The following GDI2 variants were observed in gnomAD, a reference collection of about 807,000 sequenced individuals.
The protein encoded by GDI2 is GDP dissociation inhibitor 2, also known as rab GDP dissociation inhibitor beta.
Under a neutral mutation model 54.2 loss-of-function variants are expected in GDI2, and 22 were observed. The ratio of observed to expected loss-of-function variants is 0.41; its 90% CI spans 0.29 to 0.58. GDI2 has a LOEUF of 0.58. GDI2 is among the 20% of genes least tolerant of loss of function. The pLI is 0.35. For missense variants in GDI2, 422 were observed against 546.0 expected, an observed-to-expected ratio of 0.77 and a Z score of 2.26; for synonymous variants, 177 against 182.1, an observed-to-expected ratio of 0.97 and a Z score of 0.23.
chr10:5,813,200 G>A lies in GDI2; in HGVS notation c.45+14C>T. The A allele has an allele frequency of 1.3e-6, 2 of 1,554,088 alleles. No individual in the cohort carries two copies. The highest frequency in any genetic ancestry group is 1.7e-6 in the Non-Finnish European group (2 of 1,146,550). On this transcript the variant is annotated intron_variant, in intron 1 of 10. Transcript: ENST00000380191. ...CCGGCTGCTCAGCCCCGGCCCCTCA[G>A]CCCTGGCGCCCACCGTCAGGCCGGT... is the stretch of plus-strand genomic sequence containing the variant.
chr10:5,782,201 C>G (rs1283305952), intron 6 of GDI2, among the ~76,000 whole-genome samples: 1 of 152,126 alleles, frequency 6.6e-6, no homozygotes, highest in Non-Finnish European at 1.5e-5. Context: ...CAAAATTATA[C>G]AAATGGTCAA....
chr10:5,787,808 T>C (rs1302620988), intron 4 of GDI2, among the ~76,000 whole-genome samples: 1 of 152,274 alleles, frequency 6.6e-6, no homozygotes, highest in Non-Finnish European at 1.5e-5. Flanking sequence ...CTAACAGTTA[T>C]TTTGGAGTAT....
At position 5,776,422 on chromosome 10, in the gene GDI2, T is replaced by C; in HGVS notation, c.720-2481A>G. The C allele has an allele frequency of 1.3e-6, 1 of 799,254 alleles. No homozygotes were observed. Among genetic ancestry groups the C allele is most frequent in the Non-Finnish European group, 2.2e-6 (1 of 448,358 alleles). 49.5% of individuals were successfully genotyped at this position (799,254 alleles called of 1,614,324 possible). On this transcript the variant is annotated intron_variant, in intron 6 of 10. Coordinates refer to ENST00000380191, the MANE Select transcript of GDI2 (RefSeq NM_001494.4). This position sits in a 1 kb window ranked among gnomAD's most constrained non-coding sequence, Gnocchi z 5.3. ...TGCCTGCCTGAGATTCAAGGGATCTTTGACAGGGATCCAGACACGCTACTA... is the reference window on the plus strand; with the variant it reads ...TGCCTGCCTGAGATTCAAGGGATCTCTGACAGGGATCCAGACACGCTACTA...
In GDI2 at chr10:5,786,010, G is replaced by A. The variant is rs942724823; in HGVS notation, c.429C>T (p.Phe143=). 6.2e-7 allele frequency: 1 copy of A among 1,613,588 alleles called. No individual in the cohort carries two copies. Among genetic ancestry groups the A allele is most frequent in the Non-Finnish European group, 8.5e-7 (1 of 1,179,764 alleles). ...CATCGAAGTTGGCAACATACACTAG[G>A]AATTTCCTGAAGCGACGTTTTTCAA... ...GLFEKRRFRK[F]LVYVANFDEK... is the part of the protein sequence containing the mutation. Residue 143 remains phenylalanine (F), a synonymous_variant, in exon 5 of 11, where the codon TTC becomes TTT. Transcript: ENST00000380191.
chr10:5,770,796 T>C (rs1840471618), intron 7 of GDI2, among the ~76,000 whole-genome samples: 1 of 151,638 alleles, frequency 6.6e-6, no homozygotes, highest in Non-Finnish European at 1.5e-5. Context: ...TGAAACCCCA[T>C]CTCTACTAAA....
At chr10:5,781,080 T>C (rs1467965803) in intron 6 of GDI2, among the ~76,000 whole-genome samples, 2 of 151,960 alleles carry the variant, frequency 1.3e-5, no homozygotes, top group African/African-American at 4.8e-5. Context: ...CAAACTCATA[T>C]GTAGCCAACT....
intron 5 of GDI2, among the ~76,000 whole-genome samples, chr10:5,785,563 AG>A (rs1433498368): frequency 6.6e-6 from 1 of 152,004 alleles, no homozygotes; most frequent in Admixed American, 6.6e-5. Flanking sequence ...TTTAGTAGAG[AG>A]GGGGTTTCAC....
intron 6 of GDI2, 66 bp downstream of exon 6, chr10:5,785,076 T>C: frequency 9.5e-7 from 1 of 1,057,282 alleles, no homozygotes; most frequent in South Asian, 2.2e-5. Context: ...TTAAACTATA[T>C]CTCATATACA....
rs1018667797 is a variant in GDI2, at chr10:5,766,745, A to G, written c.992-107T>C. 11 of 783,566 alleles carry G rather than the reference A, an allele frequency of 1.4e-5. No individual in the cohort carries two copies. The highest frequency in any genetic ancestry group is 2.1e-5 in the Non-Finnish European group (10 of 466,946). 48.5% of individuals were successfully genotyped at this position (783,566 alleles called of 1,614,324 possible). A position where few individuals can be genotyped will look rare whatever the true frequency, so the allele number is the denominator to read the frequency against. On this transcript the variant is annotated intron_variant, in intron 8 of 10. Transcript: ENST00000380191. The surrounding 1 kb of genome is among the most constrained non-coding windows in gnomAD (Gnocchi z 5.8). The stretch of plus-strand genomic sequence containing the variant: ...GAGGTGTGAGTTAAAATTACTCTCA[A>G]TAGGCAAGATCTTCTACACTTAAGT...
At chr10:5,777,417 G>A (rs1840650799) in intron 6 of GDI2, among the ~76,000 whole-genome samples, 1 of 152,192 alleles carries the variant, frequency 6.6e-6, no homozygotes, top group African/African-American at 2.4e-5. Flanking sequence ...AGGCTGCAGT[G>A]AGCCAAGATC....
At chr10:5,778,733 T>C (rs1840683135) in intron 6 of GDI2, among the ~76,000 whole-genome samples, 1 of 152,198 alleles carries the variant, frequency 6.6e-6, no homozygotes, top group African/African-American at 2.4e-5. Flanking sequence ...GTAATGCTAG[T>C]TGGCAGTATT....
At chr10:5,793,519 T>G (rs781723358) in intron 4 of GDI2, among the ~76,000 whole-genome samples, 39 of 152,340 alleles carry the variant, frequency 2.6e-4, no homozygotes, top group Non-Finnish European at 4.7e-4. Context: ...TGGCTATGTC[T>G]TTAATATTTT....
intron 7 of GDI2, among the ~76,000 whole-genome samples, chr10:5,771,426 T>C (rs990109520): frequency 6.6e-6 from 1 of 152,230 alleles, no homozygotes; most frequent in Non-Finnish European, 1.5e-5. Context: ...CACGAAATTA[T>C]GCACAGACCC....
chr10:5,779,498 GA>G (rs1399634180), intron 6 of GDI2, among the ~76,000 whole-genome samples: 60 of 133,072 alleles, frequency 4.5e-4, no homozygotes, highest in East Asian at 1.1e-3. Context: ...ACTCCGTCTC[GA>G]AAAAAAAAAA....
chr10:5,780,595 C>A (rs150316013), intron 6 of GDI2, among the ~76,000 whole-genome samples: 11 of 152,318 alleles, frequency 7.2e-5, no homozygotes, highest in African/African-American at 2.6e-4. Context: ...CGTCAACATA[C>A]AATTACATTT....
In GDI2 at chr10:5,785,372, TTTTTTG is replaced by T. The variant is rs1156711648; in HGVS notation, c.588-105_588-100del. 5.0e-5 allele frequency: 42 copies of T among 836,444 alleles called. No homozygotes were observed. In the East Asian group the frequency reaches 5.4e-4, roughly 11 times the overall value. The allele number at this position is 836,444 out of a possible 1,614,324, so 51.8% of individuals were successfully genotyped here. On this transcript the variant is annotated intron_variant, in intron 5 of 10. Transcript: ENST00000380191. ...GAAGCGATTTCAATCCGCTATCTTC[TTTTTTG>T]TTTTTTTGTTTTTTGAGACAGGGTC...
intron 4 of GDI2, among the ~76,000 whole-genome samples, chr10:5,792,383 T>C (rs1362192279): frequency 2.6e-5 from 4 of 152,212 alleles, no homozygotes. Flanking sequence ...ATGCCTAGCA[T>C]GTAAGTGCTC....
chr10:5,786,798 AATG>A lies in GDI2; in HGVS notation c.389-751_389-749del, dbSNP rs1302052112. On this transcript the variant is annotated intron_variant, in intron 4 of 10. Transcript: ENST00000380191. ...TATGCTAAGATACAACCGGGCACTT[AATG>A]ATAACAGCTTAAGATAACAAGAACA... Among the ~76,000 whole-genome samples the A allele has an allele frequency of 2.6e-5, 4 of 152,280 alleles. No individual in the cohort carries two copies. In the East Asian group the frequency reaches 7.7e-4, roughly 29 times the overall value.
intron 1 of GDI2, among the ~76,000 whole-genome samples, chr10:5,802,640 T>C: frequency 6.6e-6 from 1 of 151,866 alleles, no homozygotes. Flanking sequence ...ACTACCACCA[T>C]GGGCACACGT....
Sources: allele counts gnomAD v4.1 joint callset (sites outside exome capture counted in the v4.1 genomes callset), GRCh38; gene constraint gnomAD v4.1.1; non-coding constraint Gnocchi (gnomAD v3.1); transcripts MANE v1.5; gene names NCBI Gene and HGNC (gene_info 2026-07-23, HGNC 2026-07-21).